The following MIPEP variants were observed in gnomAD, a reference collection of about 807,000 sequenced individuals.
The protein encoded by MIPEP is mitochondrial intermediate peptidase.
A neutral mutation model predicts 90.3 loss-of-function variants in MIPEP; 79 were observed. The ratio of observed to expected loss-of-function variants is 0.87; its 90% CI spans 0.73 to 1.05. MIPEP has a LOEUF of 1.05. Ranked by LOEUF, MIPEP falls within the 50% of genes least tolerant of loss-of-function variation. The pLI is 0.00. For synonymous variants in MIPEP, 334 were observed against 315.8 expected (o/e 1.06, Z -0.61); for missense variants, 940 against 905.6 (o/e 1.04, Z -0.49).
chr13:23,850,079 T>C (rs1436362532), intron 10 of MIPEP, among the ~76,000 whole-genome samples: 1 of 152,154 alleles, frequency 6.6e-6, no homozygotes, highest in African/African-American at 2.4e-5. Context: ...CAGAGGCTTG[T>C]TACAGAATGA....
Position 23,747,212 on chromosome 13 carries a change from G to T in MIPEP, c.2044+9333C>A, listed in dbSNP as rs1271110604. Among the ~76,000 whole-genome samples, 3 of 152,158 alleles carry T rather than the reference G, an allele frequency of 2.0e-5. No homozygotes were observed. The East Asian group carries it at 5.8e-4, about 29-fold the overall frequency. Reference sequence around the variant, plus strand: ...TTGGTGGATTAAAGATGCTGCCCATGACCCACCTGGCACATTTTCACTCTG... The same window carrying T: ...TTGGTGGATTAAAGATGCTGCCCATTACCCACCTGGCACATTTTCACTCTG... On this transcript the variant is annotated intron_variant, in intron 18 of 18. Coordinates refer to ENST00000382172, the MANE Select transcript of MIPEP (RefSeq NM_005932.4).
At chr13:23,772,144 A>G (rs561679839) in intron 16 of MIPEP, among the ~76,000 whole-genome samples, 1 of 152,338 alleles carries the variant, frequency 6.6e-6, no homozygotes, top group South Asian at 2.1e-4. Context: ...TTTGCAGGTC[A>G]TGTTACCACC....
chr13:23,838,110 A>G (rs1178043447), intron 12 of MIPEP, among the ~76,000 whole-genome samples: 3 of 152,146 alleles, frequency 2.0e-5, no homozygotes, highest in African/African-American at 7.2e-5. Context: ...GTGTCAGATA[A>G]TGAACTAGTA....
chr13:23,841,564 T>C, intron 10 of MIPEP, 76 bp from the exon 11 acceptor site: 1 of 1,423,676 alleles, frequency 7.0e-7, no homozygotes. Context: ...TAACTTTTCA[T>C]TTAATACTTA....
At chr13:23,834,569 G>C (rs531185666) in intron 14 of MIPEP, among the ~76,000 whole-genome samples, 6 of 152,362 alleles carry the variant, frequency 3.9e-5, no homozygotes, top group Admixed American at 1.3e-4. Context: ...AACTCAGCAA[G>C]TGTTTTCTGA....
intron 14 of MIPEP, among the ~76,000 whole-genome samples, chr13:23,829,321 C>T (rs868352045): frequency 3.8e-4 from 58 of 152,070 alleles, no homozygotes; most frequent in Middle Eastern, 6.8e-3. Flanking sequence ...TTGAGACCAG[C>T]CTGGGAAACA....
At chr13:23,811,415 GA>G (rs1953169530) in intron 14 of MIPEP, among the ~76,000 whole-genome samples, 2 of 152,130 alleles carry the variant, frequency 1.3e-5, no homozygotes, top group Admixed American at 1.3e-4. Flanking sequence ...ATAACTATAA[GA>G]AAAATTTGGT....
chr13:23,854,716 ACT>A (rs1247913238), intron 10 of MIPEP, among the ~76,000 whole-genome samples: 14 of 151,540 alleles, frequency 9.2e-5, no homozygotes, highest in Non-Finnish European at 1.9e-4. Flanking sequence ...AAACGGTGAA[ACT>A]CTGTCTCTAC....
intron 10 of MIPEP, among the ~76,000 whole-genome samples, chr13:23,852,113 A>C (rs1221569370): frequency 6.6e-6 from 1 of 152,200 alleles, no homozygotes; most frequent in African/African-American, 2.4e-5. Context: ...AAAAGAGAGT[A>C]AGAAGAGCAT....
At position 23,881,682 on chromosome 13, in the gene MIPEP, A is replaced by G; in HGVS notation, c.452+17T>C. 4 of 1,599,064 alleles carry G rather than the reference A, an allele frequency of 2.5e-6. No homozygotes were observed. The highest frequency in any genetic ancestry group is 2.6e-6 in the Non-Finnish European group (3 of 1,166,664). ...CCCAGGACTTGGCATGGAGGTGGGGAGGGGAACAGCACATACTTCTCTACC... is the reference window on the plus strand; with the variant it reads ...CCCAGGACTTGGCATGGAGGTGGGGGGGGGAACAGCACATACTTCTCTACC... On this transcript the variant is annotated intron_variant, in intron 3 of 18. Transcript: ENST00000382172.
intron 16 of MIPEP, among the ~76,000 whole-genome samples, chr13:23,771,530 TACACACACACACACACACACAC>T (rs3077653): frequency 6.8e-6 from 1 of 145,990 alleles, no homozygotes; most frequent in Non-Finnish European, 1.5e-5. Flanking sequence ...ATTTGCTGAC[TACACACACACACACACACACAC>T]ACACACACAC....
chr13:23,793,730 C>G (rs1246558842), intron 16 of MIPEP, among the ~76,000 whole-genome samples: 6 of 151,616 alleles, frequency 4.0e-5, no homozygotes, highest in Non-Finnish European at 8.8e-5. Context: ...GGGAAGGACC[C>G]CAGCCCTGGG....
At chr13:23,859,973 G>A (rs562838650) in intron 9 of MIPEP, among the ~76,000 whole-genome samples, 16 of 152,222 alleles carry the variant, frequency 1.1e-4, no homozygotes, top group African/African-American at 3.6e-4. Flanking sequence ...CAGGGACTGC[G>A]TCCATGGAAC....
chr13:23,762,361 A>C (rs1256026433), intron 16 of MIPEP, among the ~76,000 whole-genome samples: 1 of 152,116 alleles, frequency 6.6e-6, no homozygotes, highest in Non-Finnish European at 1.5e-5. Flanking sequence ...GTGGCAGCAT[A>C]CTCCCTGTAT....
chr13:23,785,139 G>A (rs1015100894), intron 16 of MIPEP, among the ~76,000 whole-genome samples: 1 of 152,136 alleles, frequency 6.6e-6, no homozygotes, highest in Non-Finnish European at 1.5e-5. Context: ...CCATTACTGG[G>A]TATATACCCA....
chr13:23,803,007 T>C (rs1346782651), intron 16 of MIPEP, among the ~76,000 whole-genome samples: 5 of 152,160 alleles, frequency 3.3e-5, no homozygotes, highest in African/African-American at 9.7e-5. Context: ...TTATTGGGAC[T>C]TGACCGCATC....
chr13:23,875,027 A>AACAC (rs10595689), intron 4 of MIPEP, 118 bp from the exon 5 acceptor site: 6,070 of 400,776 alleles, frequency 0.015, 96 homozygotes, highest in African/African-American at 0.062. Context: ...GTTTCTTCAA[A>AACAC]ACACACACAC....
intron 14 of MIPEP, among the ~76,000 whole-genome samples, chr13:23,819,917 G>A (rs1953284540): frequency 6.6e-6 from 1 of 151,992 alleles, no homozygotes; most frequent in African/African-American, 2.4e-5. Context: ...GCTGAGGGAG[G>A]AGAATTGCTT....
intron 16 of MIPEP, among the ~76,000 whole-genome samples, chr13:23,777,557 G>A (rs1174554702): frequency 1.3e-5 from 2 of 152,170 alleles, no homozygotes; most frequent in East Asian, 3.8e-4. Flanking sequence ...TACACAGAAT[G>A]TTATCACTGG....
Sources: allele counts gnomAD v4.1 joint callset (sites outside exome capture counted in the v4.1 genomes callset), GRCh38; gene constraint gnomAD v4.1.1; transcripts MANE v1.5; gene names NCBI Gene and HGNC (gene_info 2026-07-23, HGNC 2026-07-21).